CASZ1: variants seen among roughly 807,000 people sequenced by gnomAD.
CASZ1 encodes castor zinc finger 1.
A neutral mutation model predicts 135.2 loss-of-function variants in CASZ1; 28 were observed. The ratio of observed to expected loss-of-function variants is 0.21; its 90% CI spans 0.15 to 0.28. The LOEUF (loss-of-function observed/expected upper bound fraction) is 0.28. Among genes scored for constraint, CASZ1 ranks in the 10% least tolerant of loss-of-function variants. The pLI is 1.00. For synonymous variants in CASZ1, 1,068 were observed against 1,073.4 expected, an observed-to-expected ratio of 0.99 and a Z score of 0.10; for missense variants, 2,161 against 2,453.3, an observed-to-expected ratio of 0.88 and a Z score of 2.52.
At position 10,707,709 on chromosome 1, in the gene CASZ1, C is replaced by A. The variant is rs956002910; in HGVS notation, c.-76-2165G>T. ...ACCCCAGTGGGGGCCTAAGAAGTAGCTGAGAGTTCATCTTGGTCTCTTCTT... is the reference window on the plus strand; with the variant it reads ...ACCCCAGTGGGGGCCTAAGAAGTAGATGAGAGTTCATCTTGGTCTCTTCTT... On this transcript the variant is annotated intron_variant, in intron 2 of 20. Coordinates refer to ENST00000377022, the MANE Select transcript of CASZ1 (RefSeq NM_001079843.3). This position sits in a 1 kb window ranked among gnomAD's most constrained non-coding sequence, Gnocchi z 5.0. 1.3e-5 allele frequency among the ~76,000 whole-genome samples: 2 copies of A among 152,166 alleles called. No individual in the cohort carries two copies. The highest frequency in any genetic ancestry group is 4.8e-5 in the African/African-American group (2 of 41,434).
rs1389157573 is a variant in CASZ1 at position 10,694,791 on chromosome 1, G to A, written c.-23-879C>T. 2.8e-5 allele frequency among the ~76,000 whole-genome samples: 4 copies of A among 145,144 alleles called. No individual in the cohort carries two copies. Among genetic ancestry groups the A allele is most frequent in the African/African-American group, 9.9e-5 (4 of 40,578 alleles). ...CCTCTGGCTCCGGGAGGAGGAGGCGGGGACTTGCGCTCAGGGCTGGCGGGA... is the reference window on the plus strand; with the variant it reads ...CCTCTGGCTCCGGGAGGAGGAGGCGAGGACTTGCGCTCAGGGCTGGCGGGA... On this transcript the variant is annotated intron_variant, in intron 3 of 20. Transcript: ENST00000377022. The surrounding 1 kb of genome is among the most constrained non-coding windows in gnomAD (Gnocchi z 6.6).
chr1:10,653,126 G>C (rs1211068062), intron 11 of CASZ1: 1 of 580,682 alleles, frequency 1.7e-6, no homozygotes, highest in Non-Finnish European at 3.1e-6. Context: ...AGGAGGCAGG[G>C]ACCATCGCCC....
chr1:10,776,799 A>T lies in CASZ1; in HGVS notation c.-233-15942T>A, dbSNP rs764018855. ...TCTATGGGGGCCAACCCTCTTGCTC[A>T]TCTTGGGAGGTGGCTGCTTGCCAGC... On this transcript the variant is annotated intron_variant, in intron 1 of 20. Coordinates refer to ENST00000377022, the MANE Select transcript of CASZ1 (RefSeq NM_001079843.3). The surrounding 1 kb of genome is among the most constrained non-coding windows in gnomAD (Gnocchi z 4.1). Among the ~76,000 whole-genome samples the T allele has an allele frequency of 2.0e-5, 3 of 152,152 alleles. No homozygotes were observed. The highest frequency in any genetic ancestry group is 4.4e-5 in the Non-Finnish European group (3 of 68,004).
rs777000073 is a variant in CASZ1 at position 10,665,577 on chromosome 1, G to A, written c.17-6C>T. 7.7e-6 allele frequency: 12 copies of A among 1,550,932 alleles called. No individual in the cohort carries two copies. The African/African-American group carries it at 1.6e-4, about 21-fold the overall frequency. ...CGTGCACCGGGTGCCCTCAGCTGCA[G>A]GGATGGAGGAGAGCACGGAGGTCAG... On this transcript the variant is annotated splice_region_variant and splice_polypyrimidine_tract_variant and intron_variant, in intron 4 of 20. Coordinates refer to ENST00000377022, the MANE Select transcript of CASZ1 (RefSeq NM_001079843.3).
chr1:10,663,759 G>A (rs1489668985), intron 5 of CASZ1, among the ~76,000 whole-genome samples: 3 of 152,242 alleles, frequency 2.0e-5, no homozygotes, highest in East Asian at 3.8e-4. Context: ...AGCGCTCAGC[G>A]CTGAGTAGGC....
At chr1:10,698,505 A>G (rs1338424426) in intron 3 of CASZ1, among the ~76,000 whole-genome samples, 1 of 152,186 alleles carries the variant, frequency 6.6e-6, no homozygotes, top group Non-Finnish European at 1.5e-5. Flanking sequence ...AAATTCTCCA[A>G]TGCTAAATTG....
chr1:10,681,030 C>T (rs1270158554), intron 4 of CASZ1, among the ~76,000 whole-genome samples: 5 of 152,040 alleles, frequency 3.3e-5, no homozygotes, highest in African/African-American at 7.3e-5. Flanking sequence ...CCTCCCAAGT[C>T]GCTGGGATTA....
chr1:10,683,744 G>C lies in CASZ1; in HGVS notation c.16+10130C>G, dbSNP rs531337461. Among the ~76,000 whole-genome samples the C allele has an allele frequency of 2.6e-5, 4 of 152,302 alleles. No individual in the cohort carries two copies. The South Asian group carries it at 6.2e-4, about 24-fold the overall frequency. On this transcript the variant is annotated intron_variant, in intron 4 of 20. Coordinates refer to ENST00000377022, the MANE Select transcript of CASZ1 (RefSeq NM_001079843.3). ...CGGACAGATGGGAGCACTCGTTTCT[G>C]CAAAGATGGGCACTCCGGGATGCCT...
intron 3 of CASZ1, 111 bp downstream of exon 3, chr1:10,705,381 C>A (rs1557521269): frequency 6.6e-6 from 1 of 151,960 alleles, no homozygotes; most frequent in Non-Finnish European, 1.5e-5. Context: ...CTTCTCATCT[C>A]CCCCTGGGTG....
At chr1:10,662,567 G>C (rs1197163859) in intron 5 of CASZ1, among the ~76,000 whole-genome samples, 5 of 151,082 alleles carry the variant, frequency 3.3e-5, no homozygotes, top group African/African-American at 1.2e-4. Context: ...TACACACCCA[G>C]TCATGTGCTC....
At position 10,756,795 on chromosome 1, in the gene CASZ1, T is replaced by C. The variant is rs1003119906; in HGVS notation, c.-77+3906A>G. 2.0e-5 allele frequency among the ~76,000 whole-genome samples: 3 copies of C among 152,148 alleles called. No homozygotes were observed. Among genetic ancestry groups the C allele is most frequent in the Non-Finnish European group, 2.9e-5 (2 of 67,976 alleles). On this transcript the variant is annotated intron_variant, in intron 2 of 20. Coordinates refer to ENST00000377022, the MANE Select transcript of CASZ1 (RefSeq NM_001079843.3). This position sits in a 1 kb window ranked among gnomAD's most constrained non-coding sequence, Gnocchi z 5.9. Reference sequence around the variant, plus strand: ...AGGCTGAGCTGACCCCATGGAAATATGGGGGCTTCAGACAAACCCATCTGC... The same window carrying C: ...AGGCTGAGCTGACCCCATGGAAATACGGGGGCTTCAGACAAACCCATCTGC...
In CASZ1 at chr1:10,738,918, G is replaced by GTTT. The variant is rs752101102; in HGVS notation, c.-77+21780_-77+21782dup. On this transcript the variant is annotated intron_variant, in intron 2 of 20. Transcript: ENST00000377022. ...AAAAACTCCATATGCATGAAGGAAG[G>GTTT]TTTTTTTTTTTTTTTTTTTTTTTTT... is the stretch of plus-strand genomic sequence containing the variant. Among the ~76,000 whole-genome samples the GTTT allele has an allele frequency of 5.8e-4, 40 of 69,194 alleles. 2 individuals carry two copies. The highest frequency in any genetic ancestry group is 1.1e-3 in the African/African-American group (18 of 16,986). 45.4% of individuals were successfully genotyped at this position (69,194 alleles called of 152,430 possible).
At chr1:10,693,680 G>A (rs970093734) in intron 4 of CASZ1, among the ~76,000 whole-genome samples, 194 bp downstream of exon 4, 3 of 152,082 alleles carry the variant, frequency 2.0e-5, no homozygotes, top group Non-Finnish European at 4.4e-5. Flanking sequence ...CAGCCTCTAA[G>A]CAAGTGGCAA....
At chr1:10,671,300 C>CGCACA (rs1194672896) in intron 4 of CASZ1, among the ~76,000 whole-genome samples, 1 of 152,192 alleles carries the variant, frequency 6.6e-6, no homozygotes, top group African/African-American at 2.4e-5. Flanking sequence ...TGAGCAAACG[C>CGCACA]GCACAGACCG....
rs983007235 is a variant in CASZ1, at chr1:10,726,185, C to G, written c.-76-20641G>C. Among the ~76,000 whole-genome samples, 3 of 152,094 alleles carry G rather than the reference C, an allele frequency of 2.0e-5. No homozygotes were observed. Among genetic ancestry groups the G allele is most frequent in the Non-Finnish European group, 4.4e-5 (3 of 68,026 alleles). ...TTGTTAGTGTTTATGGAGGGCTGAC[C>G]GCGTCCCAGGCAGAGTGAAGTCGGT... On this transcript the variant is annotated intron_variant, in intron 2 of 20. Coordinates refer to ENST00000377022, the MANE Select transcript of CASZ1 (RefSeq NM_001079843.3). This position sits in a 1 kb window ranked among gnomAD's most constrained non-coding sequence, Gnocchi z 5.7.
chr1:10,766,425 G>T (rs757692888), intron 1 of CASZ1, among the ~76,000 whole-genome samples: 2 of 152,194 alleles, frequency 1.3e-5, no homozygotes, highest in African/African-American at 2.4e-5. Context: ...TCTGCGAACC[G>T]TCATGAGGAT....
At position 10,666,665 on chromosome 1, in the gene CASZ1, C is replaced by T. The variant is rs1643244338; in HGVS notation, c.17-1094G>A. Among the ~76,000 whole-genome samples the T allele has an allele frequency of 6.6e-6, 1 of 152,208 alleles. No individual in the cohort carries two copies. Among genetic ancestry groups the T allele is most frequent in the Non-Finnish European group, 1.5e-5 (1 of 68,036 alleles). ...GAGGCGACTTGAGAGCCAGCGACCT[C>T]CCTCGCGGCCGCATAGCCCAAACTC... is the stretch of plus-strand genomic sequence containing the variant. On this transcript the variant is annotated intron_variant, in intron 4 of 20. Transcript: ENST00000377022. This position sits in a 1 kb window ranked among gnomAD's most constrained non-coding sequence, Gnocchi z 5.2.
chr1:10,792,383 TG>T (rs1180970816), intron 1 of CASZ1, among the ~76,000 whole-genome samples: 8 of 84,932 alleles, frequency 9.4e-5, no homozygotes, highest in Admixed American at 5.2e-4. Context: ...GGGGTGGGGT[TG>T]GGGGGGGTGT....
At chr1:10,670,999 G>A (rs776391415) in intron 4 of CASZ1, among the ~76,000 whole-genome samples, 96 of 152,246 alleles carry the variant, frequency 6.3e-4, no homozygotes, top group Non-Finnish European at 1.0e-3. Flanking sequence ...GGGTTCAGCC[G>A]GGTCCCCTGG....
Sources: gnomAD v4.1 joint callset for allele counts (sites outside exome capture counted in the v4.1 genomes callset) on GRCh38, gnomAD v4.1.1 for gene constraint, Gnocchi (gnomAD v3.1) non-coding constraint, MANE v1.5 for transcripts, NCBI Gene and HGNC (gene_info 2026-07-23, HGNC 2026-07-21) for gene names.